The following DAZL variants were observed in gnomAD, a reference collection of about 807,000 sequenced individuals.
DAZL encodes deleted in azoospermia-like.
Under a neutral mutation model 45.0 loss-of-function variants are expected in DAZL, and 4 were observed. That is an observed-to-expected ratio of 0.09 (90% confidence interval 0.04 to 0.20). The LOEUF (loss-of-function observed/expected upper bound fraction) is 0.20, where lower values mean the gene tolerates loss of function less well. DAZL is among the 10% of genes least tolerant of loss of function. The pLI is 1.00. For synonymous variants in DAZL, 122 were observed against 112.4 expected (o/e 1.09, Z -0.54); for missense variants, 326 against 351.3 (o/e 0.93, Z 0.58).
At chr3:16,598,321 T>C (rs2125046982) in intron 2 of DAZL, 131 bp downstream of exon 2, 2 of 1,425,870 alleles carry the variant, frequency 1.4e-6, no homozygotes, top group Non-Finnish European at 2.0e-6. Flanking sequence ...ATATTTTTAG[T>C]ACCTATGGGT....
In DAZL at chr3:16,596,170, G is replaced by A. The variant is rs570386709; in HGVS notation, c.498+580C>T. ...AAGACAATGTCTTTTAAACTAAATC[G>A]TTAAATAAAATGAACTAAGAAGAAA... On this transcript the variant is annotated intron_variant, in intron 6 of 10. Coordinates refer to ENST00000399444, the MANE Select transcript of DAZL (RefSeq NM_001351.4). Among the ~76,000 whole-genome samples, 16 of 152,014 alleles carry A rather than the reference G, an allele frequency of 1.1e-4. No homozygotes were observed. In the East Asian group the frequency reaches 1.5e-3, roughly 15 times the overall value.
intron 10 of DAZL, among the ~76,000 whole-genome samples, chr3:16,591,072 C>A (rs1694510605): frequency 6.6e-6 from 1 of 152,108 alleles, no homozygotes; most frequent in South Asian, 2.1e-4. Context: ...CCTTTACTAA[C>A]CGTAATATTT....
intron 6 of DAZL, 98 bp from the exon 7 acceptor site, chr3:16,595,483 A>T (rs574047094): frequency 1.5e-6 from 1 of 673,882 alleles, no homozygotes; most frequent in Non-Finnish European, 2.5e-6. Context: ...AACTTTTAAA[A>T]TATTTTTCTA....
intron 1 of DAZL, among the ~76,000 whole-genome samples, chr3:16,599,834 T>C (rs926056666): frequency 6.6e-6 from 1 of 152,214 alleles, no homozygotes; most frequent in Non-Finnish European, 1.5e-5. Flanking sequence ...TCTAGGTTTA[T>C]GTCCCTTACA....
chr3:16,593,735 C>T lies in DAZL; in HGVS notation c.655G>A (p.Val219Ile), dbSNP rs370525637. The T allele has an allele frequency of 4.0e-5, 64 of 1,612,280 alleles. No homozygotes were observed. The highest frequency in any genetic ancestry group is 4.9e-5 in the Non-Finnish European group (58 of 1,178,924). ...YSAVNYHCNE[V>I]DPGAEVVPNE... Reference sequence around the variant, plus strand: ...GGCACAACTTCAGCTCCTGGATCAACTTCATTACAGTGGTAGTTAACAGCT... The same window carrying T: ...GGCACAACTTCAGCTCCTGGATCAATTTCATTACAGTGGTAGTTAACAGCT... Residue 219 changes from valine to isoleucine, a missense_variant, in exon 9 of 11, where the codon GTT (valine) becomes ATT (isoleucine). By Grantham distance (29) the Val-to-Ile change is conservative. This residue lies in a region of DAZL where 227 missense variants were observed against 216.6 expected (regional missense o/e 1.05). Transcript: ENST00000399444.
In DAZL at chr3:16,586,982, G is replaced by C. The variant is rs1432207155; in HGVS notation, c.*1678C>G. 6.6e-6 allele frequency: 1 copy of C among 151,888 alleles called. No homozygotes were observed. The highest frequency in any genetic ancestry group is 1.5e-5 in the Non-Finnish European group (1 of 67,986). The allele number at this position is 151,888 out of a possible 1,614,324, so 9.4% of individuals were successfully genotyped here. ...ATTTATTCCCTTACTTTTCCTTAAG[G>C]TCATATTGGAATAATTAGAAGTAGC... On this transcript the variant is annotated 3_prime_UTR_variant, in exon 11 of 11. Coordinates refer to ENST00000399444, the MANE Select transcript of DAZL (RefSeq NM_001351.4).
intron 10 of DAZL, among the ~76,000 whole-genome samples, chr3:16,591,281 C>T (rs191950164): frequency 2.0e-5 from 3 of 152,240 alleles, no homozygotes; most frequent in Admixed American, 1.3e-4. Context: ...CCCACATTCT[C>T]TTCCACTTTA....
chr3:16,589,327 C>T lies in DAZL; in HGVS notation c.835-614G>A, dbSNP rs186652237. ...CCTTAAAAGGAGAAATGGGACTAAG[C>T]AAATGAGTAATAACATAATAGCATT... On this transcript the variant is annotated intron_variant, in intron 10 of 10. Coordinates refer to ENST00000399444, the MANE Select transcript of DAZL (RefSeq NM_001351.4). Among the ~76,000 whole-genome samples the T allele has an allele frequency of 1.8e-3, 277 of 152,218 alleles. 1 individual carries two copies. Among genetic ancestry groups the T allele is most frequent in the Non-Finnish European group, 3.1e-3 (214 of 68,006 alleles).
chr3:16,598,310 G>A, intron 2 of DAZL, 132 bp from the exon 3 acceptor site: 3 of 1,409,118 alleles, frequency 2.1e-6, no homozygotes, highest in Non-Finnish European at 3.0e-6. Flanking sequence ...CTTTGTCAAA[G>A]ATATTTTTAG....
In DAZL at chr3:16,601,471, G is replaced by A. The variant is rs62234696; in HGVS notation, c.4-2873C>T. On this transcript the variant is annotated intron_variant, in intron 1 of 10. Transcript: ENST00000399444. ...GCTCAAAGCTAACAAAGTAAGCAAT[G>A]TACTTCATTTTTACCACGGCTTGAT... is the stretch of plus-strand genomic sequence containing the variant. Among the ~76,000 whole-genome samples the A allele has an allele frequency of 7.0e-3, 1,069 of 152,226 alleles. 11 individuals are homozygous for A. The highest frequency in any genetic ancestry group is 0.017 in the Middle Eastern group (5 of 292).
At chr3:16,603,328 T>C (rs1044667407) in intron 1 of DAZL, among the ~76,000 whole-genome samples, 5 of 151,586 alleles carry the variant, frequency 3.3e-5, no homozygotes, top group African/African-American at 1.2e-4. Flanking sequence ...TGCCAAGATA[T>C]TTACACAAGG....
chr3:16,602,425 G>C (rs1694705008), intron 1 of DAZL, among the ~76,000 whole-genome samples: 1 of 152,276 alleles, frequency 6.6e-6, no homozygotes, highest in Non-Finnish European at 1.5e-5. Flanking sequence ...GTTTGTGTCA[G>C]AGAGAGGTGC....
intron 1 of DAZL, chr3:16,604,492 G>A (rs1389319847): frequency 6.6e-6 from 10 of 1,521,850 alleles, no homozygotes; most frequent in South Asian, 1.2e-5. Context: ...GCCACACGAG[G>A]GAGCCGCCAT....
intron 3 of DAZL, 147 bp from the exon 4 acceptor site, chr3:16,597,688 A>G (rs1694621722): frequency 1.5e-6 from 1 of 647,678 alleles, no homozygotes; most frequent in Non-Finnish European, 2.8e-6. Context: ...TCCTCTACAA[A>G]TACTGCTTTT....
At position 16,592,082 on chromosome 3, in the gene DAZL, T is replaced by C; in HGVS notation, c.802A>G (p.Asn268Asp). The change falls in exon 10 of 11, where the codon AAC becomes GAC. Residue 268 changes from asparagine (N) to aspartate (D), a missense_variant. Transcript: ENST00000399444. ...CLFNPENRLR[N>D]SVVTQDDYFK... ...TAGTCATCTTGAGTAACAACAGAGT[T>C]TCTCAGTCTGTTCTCTGGATTAAAC... 6.2e-7 allele frequency: 1 copy of C among 1,613,850 alleles called. No individual in the cohort carries two copies. The highest frequency in any genetic ancestry group is 8.5e-7 in the Non-Finnish European group (1 of 1,179,802).
At chr3:16,600,069 A>G (rs1007281870) in intron 1 of DAZL, among the ~76,000 whole-genome samples, 5 of 152,176 alleles carry the variant, frequency 3.3e-5, no homozygotes, top group African/African-American at 1.2e-4. Context: ...TTTAATTAAG[A>G]ACGAATTGAA....
At position 16,605,096 on chromosome 3, in the gene DAZL, A is replaced by G. The variant is rs571141328; in HGVS notation, c.3+107T>C. 1.7e-5 allele frequency: 25 copies of G among 1,455,158 alleles called. No homozygotes were observed. The South Asian group carries it at 2.4e-4, about 14-fold the overall frequency. 90.1% of individuals were successfully genotyped at this position (1,455,158 alleles called of 1,614,324 possible). Reference sequence around the variant, plus strand: ...GGTGCGTCCAGGCAGGTGCCCCCCAAACAGGAAAGCCGAGGATGACTTCAC... The same window carrying G: ...GGTGCGTCCAGGCAGGTGCCCCCCAGACAGGAAAGCCGAGGATGACTTCAC... On this transcript the variant is annotated intron_variant, in intron 1 of 10. Transcript: ENST00000399444.
intron 1 of DAZL, chr3:16,604,479 G>A (rs1472504705): frequency 1.4e-5 from 21 of 1,526,910 alleles, no homozygotes; most frequent in Admixed American, 6.0e-5. Context: ...CTTTTCTGTC[G>A]CCGCCACACG....
At chr3:16,596,220 T>C (rs752554159) in intron 6 of DAZL, among the ~76,000 whole-genome samples, 42 of 152,082 alleles carry the variant, frequency 2.8e-4, no homozygotes, top group Non-Finnish European at 3.5e-4. Context: ...CAGTAAGTGA[T>C]AGTATGTCAA....
Sources: gnomAD v4.1 joint callset for allele counts (sites outside exome capture counted in the v4.1 genomes callset) on GRCh38, gnomAD v4.1.1 for gene constraint, gnomAD v4.1.1 regional missense constraint, MANE v1.5 for transcripts, NCBI Gene and HGNC (gene_info 2026-07-23, HGNC 2026-07-21) for gene names.